TBRG4: variants seen among roughly 807,000 people sequenced by gnomAD.
The protein encoded by TBRG4 is transforming growth factor beta regulator 4.
TBRG4 carries 43 observed loss-of-function variants against 65.6 expected under a neutral mutation model. That is an observed-to-expected ratio of 0.66 (90% CI 0.51 to 0.85). The LOEUF (loss-of-function observed/expected upper bound fraction) is 0.85. Among genes scored for constraint, TBRG4 ranks in the 40% least tolerant of loss-of-function variants. The pLI, the probability that TBRG4 is intolerant of heterozygous loss-of-function variation, is 0.00. For synonymous variants in TBRG4, 366 were observed against 341.4 expected (o/e 1.07, Z -0.79); for missense variants, 709 against 787.9 (o/e 0.90, Z 1.20).
intron 6 of TBRG4, 122 bp from the exon 7 acceptor site, chr7:45,102,613 C>T: frequency 7.3e-7 from 1 of 1,374,158 alleles, no homozygotes; most frequent in Non-Finnish European, 9.8e-7. Flanking sequence ...GAGGAGGCTA[C>T]TAGGTAACAA....
At position 45,105,729 on chromosome 7, in the gene TBRG4, C is replaced by T; in HGVS notation, c.447G>A (p.Leu149=). Residue 149 remains leucine (L), a synonymous_variant, in exon 3 of 11, where the codon CTG becomes CTA. Transcript: ENST00000258770. ...TGCCCAGAGCATACAGGCTTCCCAG[C>T]AGCTTCGAGAGGGTACCATGCCAGA... ...ASVWHGTLSK[L]LGSLYALGIP... 1.2e-6 allele frequency: 2 copies of T among 1,612,952 alleles called. No homozygotes were observed. The highest frequency in any genetic ancestry group is 3.3e-4 in the Middle Eastern group (2 of 6,052).
In TBRG4 at chr7:45,101,586, G is replaced by C. The variant is rs376888770; in HGVS notation, c.1596C>G (p.Gly532=). ...LDAEVLLDSD[G]EFLPVRDFVA... ...CAAAGTCCCTTACGGGCAGAAACTC[G>C]CCGTCACTGTCCAGCAGCACCTCAG... Residue 532 remains glycine, a synonymous_variant, in exon 9 of 11, where the codon GGC becomes GGG. Coordinates refer to ENST00000258770, the MANE Select transcript of TBRG4 (RefSeq NM_004749.4). 3.1e-6 allele frequency: 5 copies of C among 1,613,572 alleles called. No individual in the cohort carries two copies. The highest frequency in any genetic ancestry group is 4.2e-6 in the Non-Finnish European group (5 of 1,179,904).
rs1321948912 is a variant in TBRG4, at chr7:45,101,906, G to A, written c.1486C>T (p.Leu496=). 1.2e-6 allele frequency: 2 copies of A among 1,611,322 alleles called. No individual in the cohort carries two copies. Among genetic ancestry groups the A allele is most frequent in the Non-Finnish European group, 1.7e-6 (2 of 1,179,230 alleles). Residue 496 remains leucine (L), a synonymous_variant, in exon 8 of 11, where the codon CTG becomes TTG. Transcript: ENST00000258770. The stretch of plus-strand genomic sequence containing the variant: ...AGCAGCCCCTTCAGCGTCTCCTGCA[G>A]CTCCTTTTGCAGGGGGGTCACCTTC... ...DRKVTPLQKE[L]QETLKGLLGS...
intron 5 of TBRG4, 26 bp from the exon 6 acceptor site, chr7:45,103,469 G>A: frequency 1.3e-6 from 2 of 1,568,042 alleles, no homozygotes; most frequent in Non-Finnish European, 1.7e-6. Flanking sequence ...ATAGCAGAGG[G>A]ACAGAATAAG....
rs757143109 is a variant in TBRG4, at chr7:45,101,513, C to G, written c.1669G>C (p.Gly557Arg). The G allele has an allele frequency of 2.3e-5, 37 of 1,613,414 alleles. 1 individual carries two copies. In the South Asian group the frequency reaches 3.8e-4, roughly 17 times the overall value. Residue 557 changes from glycine (G) to arginine (R), a missense_variant, in exon 9 of 11, where the codon GGG becomes CGG. Gly to Arg is a moderately radical substitution (Grantham distance 125). Transcript: ENST00000258770. ...TCCCTGGCCACCTACCTCTTAGACCCTGGAGGTGGTGACTGGCTCCCAGTT... is the reference window on the plus strand; with the variant it reads ...TCCCTGGCCACCTACCTCTTAGACCGTGGAGGTGGTGACTGGCTCCCAGTT... ...QPTGSQSPPP[G>R]SKRLAFLRWE...
chr7:45,111,601 C>A (rs1369704825), intron 1 of TBRG4, 42 bp downstream of exon 1: 1 of 1,289,330 alleles, frequency 7.8e-7, no homozygotes, highest in Non-Finnish European at 1.0e-6. Flanking sequence ...GCACTCGAAA[C>A]CCACGATCAG....
chr7:45,100,736 C>G (rs1029023983), intron 10 of TBRG4, among the ~76,000 whole-genome samples: 1 of 152,190 alleles, frequency 6.6e-6, no homozygotes, highest in African/African-American at 2.4e-5. Flanking sequence ...GCAAACAGAA[C>G]CCTTGTGTGG....
At chr7:45,101,704 G>A (rs1339162164) in intron 8 of TBRG4, 90 bp from the exon 9 acceptor site, 24 of 1,596,000 alleles carry the variant, frequency 1.5e-5, no homozygotes, top group Admixed American at 6.7e-5. Flanking sequence ...GGACTGTGGG[G>A]AGCCCAGGCT....
chr7:45,102,147 C>T, intron 7 of TBRG4, 77 bp from the exon 8 acceptor site: 2 of 1,533,690 alleles, frequency 1.3e-6, no homozygotes, highest in South Asian at 1.3e-5. Flanking sequence ...GGGCAGTGCA[C>T]CCCTACACCC....
At position 45,105,549 on chromosome 7, in the gene TBRG4, T is replaced by G. The variant is rs1784920078; in HGVS notation, c.627A>C (p.Thr209=). Residue 209 remains threonine, a synonymous_variant, in exon 3 of 11, where the codon ACA becomes ACC. Coordinates refer to ENST00000258770, the MANE Select transcript of TBRG4 (RefSeq NM_004749.4). ...TTTCTGTCCAACGCCTTTCCAGGTG[T>G]GTGAGCAGCTCAGCCAGCAGCTCCT... ...HSQELLAELL[T]HLERRWTEIE... The G allele has an allele frequency of 1.2e-6, 2 of 1,614,164 alleles. No homozygotes were observed. Among genetic ancestry groups the G allele is most frequent in the Non-Finnish European group, 1.7e-6 (2 of 1,180,034 alleles).
chr7:45,100,308 C>A lies in TBRG4; in HGVS notation c.*17G>T. On this transcript the variant is annotated 3_prime_UTR_variant, in exon 11 of 11. Coordinates refer to ENST00000258770, the MANE Select transcript of TBRG4 (RefSeq NM_004749.4). ...ACCTCCGGCGGAGAGGCACGCAGTCCATGCTGCTGGCACAAGTCACTTGGC... is the reference window on the plus strand; with the variant it reads ...ACCTCCGGCGGAGAGGCACGCAGTCAATGCTGCTGGCACAAGTCACTTGGC... 1 of 1,610,918 alleles carries A rather than the reference C, an allele frequency of 6.2e-7. No individual in the cohort carries two copies. Among genetic ancestry groups the A allele is most frequent in the South Asian group, 1.1e-5 (1 of 90,930 alleles).
rs781495150 is a variant in TBRG4, at chr7:45,103,380, CA to C, written c.1128del (p.Phe376LeufsTer4). ...TGGTCTGGATGGAAGTTCAGACGCG[CA>C]AAAGCCAGAAGTACGCTGCACAGGT... Reference protein sequence around the residue: ...LPHLCSVLLAFARLNFHPDQE... With the variant: ...LPHLCSVLLAXARLNFHPDQE... On this transcript the variant is annotated frameshift_variant, in exon 6 of 11. Coordinates refer to ENST00000258770, the MANE Select transcript of TBRG4 (RefSeq NM_004749.4). LOFTEE classifies it high-confidence loss of function. 29 of 1,614,060 alleles carry C rather than the reference CA, an allele frequency of 1.8e-5. No individual in the cohort carries two copies. The highest frequency in any genetic ancestry group is 2.5e-5 in the Non-Finnish European group (29 of 1,179,960).
At position 45,104,683 on chromosome 7, in the gene TBRG4, G is replaced by T. The variant is rs1784881314; in HGVS notation, c.762C>A (p.Gly254=). ...CCAGCACCTTCCGCAGCTCATTGGG[G>T]CCAAAGTGCTCCACCAACTCCAGGC... ...DKCLELVEHF[G]PNELRKVLVM... Residue 254 remains glycine (G), a synonymous_variant, in exon 4 of 11, where the codon GGC becomes GGA. Coordinates refer to ENST00000258770, the MANE Select transcript of TBRG4 (RefSeq NM_004749.4). 1 of 1,613,732 alleles carries T rather than the reference G, an allele frequency of 6.2e-7. No homozygotes were observed. Among genetic ancestry groups the T allele is most frequent in the South Asian group, 1.1e-5 (1 of 91,086 alleles).
Position 45,111,659 on chromosome 7 carries a change from C to T in TBRG4, c.-67G>A. 1.6e-6 allele frequency: 2 copies of T among 1,289,482 alleles called. No individual in the cohort carries two copies. Among genetic ancestry groups the T allele is most frequent in the Non-Finnish European group, 2.0e-6 (2 of 988,870 alleles). 79.9% of individuals were successfully genotyped at this position (1,289,482 alleles called of 1,614,324 possible). The stretch of plus-strand genomic sequence containing the variant: ...AAGACCTACGCAGCGAGCACCACCG[C>T]TGACCTCCATCCGCCGCCCTAACTG... On this transcript the variant is annotated 5_prime_UTR_variant, in exon 1 of 11. Coordinates refer to ENST00000258770, the MANE Select transcript of TBRG4 (RefSeq NM_004749.4).
At chr7:45,102,611 T>A (rs1784804677) in intron 6 of TBRG4, 120 bp from the exon 7 acceptor site, 1 of 1,388,152 alleles carries the variant, frequency 7.2e-7, no homozygotes, top group East Asian at 2.3e-5. Flanking sequence ...CAGAGGAGGC[T>A]ACTAGGTAAC....
In TBRG4 at chr7:45,101,988, G is replaced by C. The variant is rs1562934214; in HGVS notation, c.1404C>G (p.Tyr468Ter). 1 of 1,576,608 alleles carries C rather than the reference G, an allele frequency of 6.3e-7. No individual in the cohort carries two copies. The highest frequency in any genetic ancestry group is 8.6e-7 in the Non-Finnish European group (1 of 1,163,948). Residue 468 changes from tyrosine to a stop codon, truncating the protein, a stop_gained, in exon 8 of 11, where the codon TAC (tyrosine) becomes TAG (stop). Coordinates refer to ENST00000258770, the MANE Select transcript of TBRG4 (RefSeq NM_004749.4). LOFTEE classifies it high-confidence loss of function. ...CCGAGGCAGGCAGAAGGGGACCCGA[G>C]TACTCGGGGTACTCCAGCAGGGCAG... ...NATALLEYPE[Y>*]SGPLLPASAV...
chr7:45,110,561 G>A (rs1298600359), intron 1 of TBRG4, among the ~76,000 whole-genome samples: 1 of 151,728 alleles, frequency 6.6e-6, no homozygotes, highest in Non-Finnish European at 1.5e-5. Flanking sequence ...CAGCTACTAG[G>A]GAGGGTGAGG....
intron 3 of TBRG4, 75 bp from the exon 4 acceptor site, chr7:45,104,784 T>G: frequency 3.8e-6 from 6 of 1,577,828 alleles, no homozygotes; most frequent in Non-Finnish European, 5.2e-6. Flanking sequence ...AGGGGTCCCA[T>G]GGTCCCATCC....
intron 1 of TBRG4, 59 bp from the exon 2 acceptor site, chr7:45,109,346 T>C: frequency 2.2e-6 from 3 of 1,389,080 alleles, no homozygotes; most frequent in Non-Finnish European, 2.8e-6. Context: ...ACTCACAAAC[T>C]TGAGAAATGA....
Sources: allele counts gnomAD v4.1 joint callset (sites outside exome capture counted in the v4.1 genomes callset), GRCh38; gene constraint gnomAD v4.1.1; transcripts MANE v1.5; gene names NCBI Gene and HGNC (gene_info 2026-07-23, HGNC 2026-07-21).